Variants in ARHGEF26 observed in about 807,000 individuals in gnomAD.
ARHGEF26 encodes the protein Rho guanine nucleotide exchange factor (GEF) 26.
Under a neutral mutation model 89.4 loss-of-function variants are expected in ARHGEF26, and 59 were observed. The ratio of observed to expected loss-of-function variants is 0.66; its 90% CI spans 0.54 to 0.82. The LOEUF (loss-of-function observed/expected upper bound fraction) is 0.82, where lower values mean the gene tolerates loss of function less well. Among genes scored for constraint, ARHGEF26 ranks in the 40% least tolerant of loss-of-function variants. The probability of loss-of-function intolerance (pLI) is 0.00; values close to 1 mark genes in which losing one functional copy is unlikely to be tolerated. For synonymous variants in ARHGEF26, 500 were observed against 428.4 expected (o/e 1.17, Z -2.06); for missense variants, 1,234 against 1,085.6 (o/e 1.14, Z -1.92).
intron 3 of ARHGEF26, among the ~76,000 whole-genome samples, chr3:154,125,930 C>A (rs1718302840): frequency 6.6e-6 from 1 of 152,068 alleles, no homozygotes; most frequent in Admixed American, 6.6e-5. Flanking sequence ...TCTTGCTGTT[C>A]CTGTTCATCA....
At chr3:154,144,922 C>G (rs971402592) in intron 4 of ARHGEF26, among the ~76,000 whole-genome samples, 4 of 152,146 alleles carry the variant, frequency 2.6e-5, no homozygotes, top group African/African-American at 9.7e-5. Context: ...ATGATATGTG[C>G]TATTATCCTT....
chr3:154,180,754 A>G (rs1207135556), intron 6 of ARHGEF26, among the ~76,000 whole-genome samples: 1 of 151,074 alleles, frequency 6.6e-6, no homozygotes, highest in Non-Finnish European at 1.5e-5. Flanking sequence ...TTTCAGAAGA[A>G]AAGGCTAAAA....
At chr3:154,168,676 C>A (rs1399839147) in intron 6 of ARHGEF26, among the ~76,000 whole-genome samples, 1 of 152,210 alleles carries the variant, frequency 6.6e-6, no homozygotes, top group East Asian at 1.9e-4. Context: ...GACTCTGTTA[C>A]CCTTCACCTT....
intron 6 of ARHGEF26, among the ~76,000 whole-genome samples, chr3:154,165,079 C>G (rs989631272): frequency 6.6e-6 from 1 of 151,974 alleles, no homozygotes; most frequent in East Asian, 1.9e-4. Flanking sequence ...CTCATATGGT[C>G]GTTTGAGAAT....
At chr3:154,176,780 G>A (rs1325024416) in intron 6 of ARHGEF26, among the ~76,000 whole-genome samples, 1 of 152,030 alleles carries the variant, frequency 6.6e-6, no homozygotes. Flanking sequence ...GCAGATTTTG[G>A]TAGATTCTTT....
intron 13 of ARHGEF26, among the ~76,000 whole-genome samples, chr3:154,254,341 G>C (rs1331120337): frequency 2.6e-5 from 4 of 152,198 alleles, no homozygotes; most frequent in Admixed American, 6.5e-5. Context: ...ACTCTGATGA[G>C]AGCCAGGAGA....
intron 6 of ARHGEF26, among the ~76,000 whole-genome samples, chr3:154,163,094 T>G (rs537338211): frequency 1.6e-4 from 25 of 152,320 alleles, no homozygotes; most frequent in Admixed American, 1.2e-3. Flanking sequence ...TACTTCTCTT[T>G]CTTAAATGTA....
chr3:154,192,767 T>C (rs1279813081), intron 8 of ARHGEF26, among the ~76,000 whole-genome samples: 3 of 152,224 alleles, frequency 2.0e-5, no homozygotes, highest in Admixed American at 6.5e-5. Context: ...ATACAACATT[T>C]CTTGTAATAT....
At chr3:154,252,759 AACTT>A (rs1718235685) in intron 12 of ARHGEF26, among the ~76,000 whole-genome samples, 1 of 152,192 alleles carries the variant, frequency 6.6e-6, no homozygotes, top group African/African-American at 2.4e-5. Context: ...TAAAAAATGA[AACTT>A]AACTGCTTTT....
chr3:154,194,665 A>G lies in ARHGEF26; in HGVS notation c.1792A>G (p.Lys598Glu), dbSNP rs757884628. The G allele has an allele frequency of 4.1e-5, 66 of 1,612,418 alleles. No homozygotes were observed. The highest frequency in any genetic ancestry group is 5.3e-5 in the Non-Finnish European group (62 of 1,179,214). The part of the protein sequence containing the change: ...LMDTICQKTP[K>E]DSPKYEVCKR... ...ACAGACTATCTGTCAAAAAACACCT[A>G]AGGACTCTCCGAAGTATGAAGTCTG... The change falls in exon 9 of 15, where the codon AAG becomes GAG. Residue 598 changes from lysine to glutamate, a missense_variant. Lys to Glu is a moderately conservative substitution (Grantham distance 56). Coordinates refer to ENST00000465093, the MANE Select transcript of ARHGEF26 (RefSeq NM_015595.4).
chr3:154,222,277 TA>T (rs1171707062), intron 10 of ARHGEF26, among the ~76,000 whole-genome samples: 23 of 152,338 alleles, frequency 1.5e-4, no homozygotes, highest in Admixed American at 1.2e-3. Flanking sequence ...ACACGTTTTT[TA>T]TTTTTAATTT....
intron 9 of ARHGEF26, among the ~76,000 whole-genome samples, chr3:154,216,484 TTTTTTTTATTTTTTTTTATTTTTTA>T (rs1559905519): frequency 2.6e-5 from 1 of 37,812 alleles, no homozygotes; most frequent in East Asian, 4.7e-3. Context: ...ACTTGTTTTT[TTTTTTTTATTTTTTTTTATTTTTTA>T]TTTTTTTTTT....
intron 4 of ARHGEF26, among the ~76,000 whole-genome samples, chr3:154,134,343 G>A (rs766159404): frequency 6.6e-6 from 1 of 152,088 alleles, no homozygotes; most frequent in East Asian, 1.9e-4. Context: ...CTGTGTCTGG[G>A]GAGGACTCTG....
At position 154,155,758 on chromosome 3, in the gene ARHGEF26, A is replaced by G. The variant is rs536014743; in HGVS notation, c.1487+2826A>G. 4.2e-3 allele frequency among the ~76,000 whole-genome samples: 639 copies of G among 152,078 alleles called. 2 individuals carry two copies. The highest frequency in any genetic ancestry group is 0.02 in the Middle Eastern group (6 of 294). ...GTCTTAGGAGAAATAACAAAAGTAT[A>G]ATGTAGTTCATGGTTAGTAGGCATG... On this transcript the variant is annotated intron_variant, in intron 6 of 14. Transcript: ENST00000465093.
Position 154,122,101 on chromosome 3 carries a change from C to G in ARHGEF26, c.109C>G (p.Pro37Ala). 1 of 1,610,900 alleles carries G rather than the reference C, an allele frequency of 6.2e-7. No homozygotes were observed. The highest frequency in any genetic ancestry group is 8.5e-7 in the Non-Finnish European group (1 of 1,178,500). The stretch of plus-strand genomic sequence containing the variant: ...GGTTCTGGGCCGGAGCAAGCCGAGG[C>G]CCCAGTCCTACCAGAGCCCCAACGG... ...HQVLGRSKPR[P>A]QSYQSPNGLL... The change falls in exon 2 of 15, where the codon CCC becomes GCC. Residue 37 changes from proline to alanine, a missense_variant. Pro to Ala is a conservative substitution (Grantham distance 27). Coordinates refer to ENST00000465093, the MANE Select transcript of ARHGEF26 (RefSeq NM_015595.4).
intron 6 of ARHGEF26, among the ~76,000 whole-genome samples, chr3:154,178,343 A>G (rs779355627): frequency 4.4e-4 from 67 of 152,226 alleles, no homozygotes; most frequent in Non-Finnish European, 1.5e-4. Context: ...CCAGAGTTTT[A>G]CGATTTCATC....
intron 6 of ARHGEF26, among the ~76,000 whole-genome samples, chr3:154,168,042 A>G (rs183676193): frequency 1.3e-5 from 2 of 152,336 alleles, no homozygotes; most frequent in South Asian, 4.1e-4. Context: ...TTAGTAAGCC[A>G]TGTGGTGTGC....
rs186865405 is a variant in ARHGEF26 at position 154,231,924 on chromosome 3, A to G, written c.2090+5914A>G. On this transcript the variant is annotated intron_variant, in intron 11 of 14. Coordinates refer to ENST00000465093, the MANE Select transcript of ARHGEF26 (RefSeq NM_015595.4). ...GTTTTTTTTTTTTTTCACTATTCCT[A>G]AATGACTAGGAGACACTATAACATT... Among the ~76,000 whole-genome samples, 605 of 152,018 alleles carry G rather than the reference A, an allele frequency of 4.0e-3. 2 individuals carry two copies. Among genetic ancestry groups the G allele is most frequent in the African/African-American group, 0.014 (569 of 41,440 alleles).
chr3:154,171,489 A>G lies in ARHGEF26; in HGVS notation c.1488-16196A>G, dbSNP rs1035419273. Among the ~76,000 whole-genome samples, 5 of 152,180 alleles carry G rather than the reference A, an allele frequency of 3.3e-5. No individual in the cohort carries two copies. In the East Asian group the frequency reaches 9.6e-4, roughly 29 times the overall value. On this transcript the variant is annotated intron_variant, in intron 6 of 14. Coordinates refer to ENST00000465093, the MANE Select transcript of ARHGEF26 (RefSeq NM_015595.4). ...TATTAGTATCATACAGAATAGTTTC[A>G]CTGCTCTAAATATCCTCTGTGTTCC...
Sources: gnomAD v4.1 joint callset for allele counts (sites outside exome capture counted in the v4.1 genomes callset) on GRCh38, gnomAD v4.1.1 for gene constraint, MANE v1.5 for transcripts, NCBI Gene and HGNC (gene_info 2026-07-23, HGNC 2026-07-21) for gene names.